Variants in TRAPPC9 observed in about 807,000 individuals in gnomAD.
The protein encoded by TRAPPC9 is IKK2 binding protein.
Under a neutral mutation model 124.0 loss-of-function variants are expected in TRAPPC9, and 83 were observed. The observed-to-expected ratio is 0.67, with a 90% CI of 0.56 to 0.80. The LOEUF (loss-of-function observed/expected upper bound fraction) is 0.80. Among genes scored for constraint, TRAPPC9 ranks in the 30% least tolerant of loss-of-function variants. TRAPPC9 has a pLI of 0.00. For missense variants in TRAPPC9, 1,302 were observed against 1,508.3 expected, an observed-to-expected ratio of 0.86 and a Z score of 2.27; for synonymous variants, 638 against 617.5, an observed-to-expected ratio of 1.03 and a Z score of -0.49.
At chr8:140,016,692 G>A (rs4319070) in intron 18 of TRAPPC9, among the ~76,000 whole-genome samples, 62,008 of 152,042 alleles carry the variant, frequency 0.41, 15,169 homozygotes, top group Middle Eastern at 0.62. Flanking sequence ...TTTACCTGTT[G>A]ATGGGCATTT....
chr8:140,275,122 T>A (rs2065071463), intron 15 of TRAPPC9, among the ~76,000 whole-genome samples: 2 of 152,178 alleles, frequency 1.3e-5, no homozygotes, highest in Non-Finnish European at 2.9e-5. Context: ...TTCACTCTTG[T>A]AATGTATGTG....
Position 140,132,200 on chromosome 8 carries a change from C to T in TRAPPC9, c.2556+89259G>A, listed in dbSNP as rs947145292. Reference sequence around the variant, plus strand: ...TCATCTCTGCACCCAGGGTCCAGCACAGCACAGTCCTCCGTCCAAAGGCTG... The same window carrying T: ...TCATCTCTGCACCCAGGGTCCAGCATAGCACAGTCCTCCGTCCAAAGGCTG... On this transcript the variant is annotated intron_variant, in intron 17 of 22. Transcript: ENST00000438773. Among the ~76,000 whole-genome samples, 36 of 152,200 alleles carry T rather than the reference C, an allele frequency of 2.4e-4. 1 individual carries two copies.
chr8:139,902,817 C>T (rs766603065), intron 20 of TRAPPC9, among the ~76,000 whole-genome samples: 7 of 152,156 alleles, frequency 4.6e-5, no homozygotes, highest in Non-Finnish European at 1.0e-4. Flanking sequence ...GGGAGGATAG[C>T]TCAGCGGAAG....
intron 7 of TRAPPC9, among the ~76,000 whole-genome samples, 190 bp downstream of exon 7, chr8:140,397,430 G>T (rs1484129014): frequency 6.6e-6 from 1 of 152,178 alleles, no homozygotes; most frequent in Non-Finnish European, 1.5e-5. Context: ...TCTGAATTTT[G>T]AAAGTTAAAT....
rs145171501 is a variant in TRAPPC9 at position 139,859,735 on chromosome 8, G to A, written c.3055+26144C>T. Among the ~76,000 whole-genome samples, 1,372 of 152,338 alleles carry A rather than the reference G, an allele frequency of 9.0e-3. 14 individuals carry two copies. Among genetic ancestry groups the A allele is most frequent in the Middle Eastern group, 0.014 (4 of 294 alleles). Reference sequence around the variant, plus strand: ...TGTTGGGTGCCAAGAAGAGAGGCACGTCTTTGGGAAGAGCTGCAGTATGTT... The same window carrying A: ...TGTTGGGTGCCAAGAAGAGAGGCACATCTTTGGGAAGAGCTGCAGTATGTT... On this transcript the variant is annotated intron_variant, in intron 21 of 22. Coordinates refer to ENST00000438773, the MANE Select transcript of TRAPPC9 (RefSeq NM_001160372.4).
intron 17 of TRAPPC9, among the ~76,000 whole-genome samples, chr8:140,081,319 T>G (rs916381429): frequency 6.6e-6 from 1 of 150,774 alleles, no homozygotes; most frequent in Non-Finnish European, 1.5e-5. Context: ...TTGCTCCACA[T>G]AGTCAAGGTG....
intron 17 of TRAPPC9, among the ~76,000 whole-genome samples, chr8:140,046,182 C>T (rs1001459006): frequency 3.9e-5 from 6 of 152,166 alleles, no homozygotes; most frequent in African/African-American, 9.7e-5. Flanking sequence ...TGCCGCTCTC[C>T]GGTGGTGCTT....
chr8:139,944,247 C>T (rs945055781), intron 19 of TRAPPC9, among the ~76,000 whole-genome samples: 40 of 152,228 alleles, frequency 2.6e-4, no homozygotes, highest in African/African-American at 7.2e-4. Context: ...TTACAGGAAA[C>T]GAGTACCAGA....
At position 140,193,493 on chromosome 8, in the gene TRAPPC9, T is replaced by C. The variant is rs75377467; in HGVS notation, c.2556+27966A>G. Among the ~76,000 whole-genome samples the C allele has an allele frequency of 7.8e-3, 1,184 of 152,190 alleles. 18 individuals are homozygous for C. The highest frequency in any genetic ancestry group is 0.027 in the African/African-American group (1,139 of 41,532). ...AATCTTCAAAGTTGAGCTGAAAACA[T>C]ATACTAGCACAAACTGTCCATTTTT... On this transcript the variant is annotated intron_variant, in intron 17 of 22. Coordinates refer to ENST00000438773, the MANE Select transcript of TRAPPC9 (RefSeq NM_001160372.4).
intron 21 of TRAPPC9, among the ~76,000 whole-genome samples, chr8:139,837,883 C>T (rs1206680526): frequency 6.6e-6 from 1 of 152,126 alleles, no homozygotes; most frequent in African/African-American, 2.4e-5. Flanking sequence ...GCAGTTCAGG[C>T]CAGCAGGAGC....
At chr8:139,826,006 C>T (rs1825603757) in intron 21 of TRAPPC9, among the ~76,000 whole-genome samples, 1 of 152,202 alleles carries the variant, frequency 6.6e-6, no homozygotes, top group Admixed American at 6.5e-5. Flanking sequence ...TGTCCTCTCC[C>T]AGGTGGGGGT....
At chr8:140,443,794 T>C (rs1416517585) in intron 2 of TRAPPC9, among the ~76,000 whole-genome samples, 1 of 148,566 alleles carries the variant, frequency 6.7e-6, no homozygotes, top group Non-Finnish European at 1.5e-5. Context: ...ACCAGCATTC[T>C]GGGAGGCCGA....
intron 17 of TRAPPC9, among the ~76,000 whole-genome samples, chr8:140,094,571 T>C (rs185699756): frequency 6.6e-6 from 1 of 152,232 alleles, no homozygotes; most frequent in East Asian, 1.9e-4. Context: ...ACACAACTGG[T>C]ACCTACCAGT....
chr8:140,365,484 T>C (rs1349659183), intron 8 of TRAPPC9, among the ~76,000 whole-genome samples: 2 of 152,224 alleles, frequency 1.3e-5, no homozygotes, highest in Non-Finnish European at 2.9e-5. Flanking sequence ...TAGAAAGAGA[T>C]GCCCCGTAGG....
chr8:140,002,172 A>C (rs1027838063), intron 18 of TRAPPC9, among the ~76,000 whole-genome samples: 4 of 152,016 alleles, frequency 2.6e-5, no homozygotes, highest in Non-Finnish European at 1.5e-5. Flanking sequence ...ATACTCAACA[A>C]ATTTTTTGAT....
rs3036940 is a variant in TRAPPC9 at position 139,836,978 on chromosome 8, G to GTCTTGAACCCAGAACGCA, written c.3055+48900_3055+48901insTGCGTTCTGGGTTCAAGA. Among the ~76,000 whole-genome samples, 248 of 151,782 alleles carry GTCTTGAACCCAGAACGCA rather than the reference G, an allele frequency of 1.6e-3. 6 individuals carry two copies. In the South Asian group the frequency reaches 0.049, roughly 30 times the overall value. ...AAAAAGGAAATGACAAGGAGGACTT[G>GTCTTGAACCCAGAACGCA]GGGCCTAGCGATCTGGGTTCAAGTC... On this transcript the variant is annotated intron_variant, in intron 21 of 22. Coordinates refer to ENST00000438773, the MANE Select transcript of TRAPPC9 (RefSeq NM_001160372.4).
intron 19 of TRAPPC9, among the ~76,000 whole-genome samples, chr8:139,963,434 T>G (rs1351473184): frequency 6.6e-6 from 1 of 152,216 alleles, no homozygotes; most frequent in African/African-American, 2.4e-5. Context: ...TTTACTGTTT[T>G]GCTCACTCAT....
chr8:139,957,621 C>T (rs952158093), intron 19 of TRAPPC9, among the ~76,000 whole-genome samples: 2 of 152,222 alleles, frequency 1.3e-5, no homozygotes, highest in African/African-American at 4.8e-5. Context: ...GCTGTCCAAG[C>T]TTGGAGAGGC....
At chr8:139,982,230 A>G (rs1836954151) in intron 19 of TRAPPC9, among the ~76,000 whole-genome samples, 1 of 152,288 alleles carries the variant, frequency 6.6e-6, no homozygotes, top group South Asian at 2.1e-4. Flanking sequence ...TTGTGCATGG[A>G]AAATGGACGA....
Sources: allele counts gnomAD v4.1 joint callset (sites outside exome capture counted in the v4.1 genomes callset), GRCh38; gene constraint gnomAD v4.1.1; transcripts MANE v1.5; gene names NCBI Gene and HGNC (gene_info 2026-07-23, HGNC 2026-07-21).